SEMA5A: variants seen among roughly 807,000 people sequenced by gnomAD.
The protein encoded by SEMA5A is semaphorin-5A.
A neutral mutation model predicts 135.5 loss-of-function variants in SEMA5A; 55 were observed. The ratio of observed to expected loss-of-function variants is 0.41; its 90% CI spans 0.33 to 0.51. SEMA5A has a LOEUF of 0.51. Ranked by LOEUF, SEMA5A falls within the 20% of genes least tolerant of loss-of-function variation. The pLI is 0.37. For missense variants in SEMA5A, 1,290 were observed against 1,419.9 expected (o/e 0.91, Z 1.47); for synonymous variants, 580 against 546.5 (o/e 1.06, Z -0.85).
At chr5:9,250,945 T>G (rs1241300892) in intron 5 of SEMA5A, among the ~76,000 whole-genome samples, 4 of 152,216 alleles carry the variant, frequency 2.6e-5, no homozygotes, top group African/African-American at 9.6e-5. Context: ...ATGCTATGGT[T>G]TTAATGCTCC....
intron 2 of SEMA5A, among the ~76,000 whole-genome samples, chr5:9,428,798 T>C (rs1422539325): frequency 1.3e-5 from 2 of 152,188 alleles, no homozygotes; most frequent in East Asian, 3.9e-4. Flanking sequence ...ATCAGAAGGC[T>C]AGAGCAGTAC....
At chr5:9,392,764 T>G (rs992071779) in intron 2 of SEMA5A, among the ~76,000 whole-genome samples, 1 of 152,218 alleles carries the variant, frequency 6.6e-6, no homozygotes, top group Admixed American at 6.5e-5. Context: ...ACTGATTGAC[T>G]AGGCAGTGGA....
chr5:9,162,526 GTA>G (rs1484974014), intron 11 of SEMA5A, among the ~76,000 whole-genome samples: 3 of 49,300 alleles, frequency 6.1e-5, no homozygotes, highest in South Asian at 4.6e-4. Flanking sequence ...GTGTATATGT[GTA>G]TATATATGTA....
chr5:9,423,772 G>A (rs1757552675), intron 2 of SEMA5A, among the ~76,000 whole-genome samples: 1 of 152,184 alleles, frequency 6.6e-6, no homozygotes. Context: ...TCTCTGGCCT[G>A]CATCACTAAC....
At position 9,038,162 on chromosome 5, in the gene SEMA5A, T is replaced by C. The variant is rs995183265; in HGVS notation, c.*4735A>G. ...TGGGCTAGGCAAGGCCAAGGCCATC[T>C]GTAAACTCCAGTTTGTACCATATCA... On this transcript the variant is annotated 3_prime_UTR_variant, in exon 23 of 23. Coordinates refer to ENST00000382496, the MANE Select transcript of SEMA5A (RefSeq NM_003966.3). The C allele has an allele frequency of 3.3e-5, 5 of 152,244 alleles. No homozygotes were observed. Among genetic ancestry groups the C allele is most frequent in the African/African-American group, 9.6e-5 (4 of 41,460 alleles). The allele number at this position is 152,244 out of a possible 1,614,324, so 9.4% of individuals were successfully genotyped here.
At chr5:9,122,550 C>A in intron 14 of SEMA5A, 106 bp downstream of exon 14, 1 of 1,171,104 alleles carries the variant, frequency 8.5e-7, no homozygotes, top group Non-Finnish European at 1.1e-6. Context: ...GGTGTTTCAC[C>A]ACAGTTCTCT....
chr5:9,402,456 A>C (rs540645932), intron 2 of SEMA5A, among the ~76,000 whole-genome samples: 2 of 152,306 alleles, frequency 1.3e-5, no homozygotes, highest in South Asian at 4.1e-4. Context: ...AAGAGTTACT[A>C]ATCTTCGGTA....
chr5:9,182,159 CCAA>C (rs1456111797), intron 11 of SEMA5A, among the ~76,000 whole-genome samples: 3 of 141,014 alleles, frequency 2.1e-5, no homozygotes, highest in East Asian at 2.2e-4. Flanking sequence ...GCCCCCCACC[CCAA>C]AAAAAAATAC....
intron 16 of SEMA5A, among the ~76,000 whole-genome samples, chr5:9,074,718 C>A (rs1044338560): frequency 6.6e-6 from 1 of 152,106 alleles, no homozygotes; most frequent in Non-Finnish European, 1.5e-5. Context: ...GATGGCAAAA[C>A]AAGCGTATGT....
At chr5:9,095,689 C>T (rs1208831330) in intron 16 of SEMA5A, among the ~76,000 whole-genome samples, 3 of 152,208 alleles carry the variant, frequency 2.0e-5, no homozygotes, top group South Asian at 2.1e-4. Context: ...CCATTGGAGG[C>T]ACTCCGATGA....
chr5:9,290,706 A>C (rs1249358181), intron 5 of SEMA5A, among the ~76,000 whole-genome samples: 1 of 152,220 alleles, frequency 6.6e-6, no homozygotes, highest in Non-Finnish European at 1.5e-5. Context: ...GTGTATATAC[A>C]TACACATCCA....
At chr5:9,045,508 C>T (rs1171703457) in intron 21 of SEMA5A, among the ~76,000 whole-genome samples, 1 of 152,134 alleles carries the variant, frequency 6.6e-6, no homozygotes, top group Non-Finnish European at 1.5e-5. Flanking sequence ...TAAATCCTTT[C>T]CTAGAGGTAA....
intron 13 of SEMA5A, among the ~76,000 whole-genome samples, chr5:9,135,990 G>C (rs1377361677): frequency 6.6e-6 from 1 of 152,178 alleles, no homozygotes; most frequent in Non-Finnish European, 1.5e-5. Flanking sequence ...AGTCCTCTAT[G>C]GGAACGCACA....
At chr5:9,242,366 CA>C (rs1234901703) in intron 5 of SEMA5A, among the ~76,000 whole-genome samples, 1 of 152,150 alleles carries the variant, frequency 6.6e-6, no homozygotes, top group Non-Finnish European at 1.5e-5. Context: ...ACATTTCAGT[CA>C]ATTTGGAAGG....
rs200194934 is a variant in SEMA5A, at chr5:9,545,387, GC to G, written c.-175+196del. Among the ~76,000 whole-genome samples the G allele has an allele frequency of 0.011, 1,652 of 152,102 alleles. 13 individuals carry two copies. The highest frequency in any genetic ancestry group is 0.015 in the Non-Finnish European group (1,051 of 67,978). On this transcript the variant is annotated intron_variant, in intron 1 of 22. Coordinates refer to ENST00000382496, the MANE Select transcript of SEMA5A (RefSeq NM_003966.3). This position sits in a 1 kb window ranked among gnomAD's most constrained non-coding sequence, Gnocchi z 4.5. ...CCCGTGCACTAGCTCAACTGTGGGC[GC>G]CCCCGGACTGACGGTCGTCCTAATC...
At chr5:9,346,465 A>G (rs534585241) in intron 3 of SEMA5A, among the ~76,000 whole-genome samples, 1 of 152,304 alleles carries the variant, frequency 6.6e-6, no homozygotes, top group East Asian at 1.9e-4. Flanking sequence ...CATTTAAGCT[A>G]TCTGCAGGCA....
chr5:9,428,135 T>C (rs951683576), intron 2 of SEMA5A, among the ~76,000 whole-genome samples: 1 of 124,314 alleles, frequency 8.0e-6, no homozygotes. Context: ...TATCTATCTA[T>C]CTATCTATCT....
chr5:9,047,152 T>C (rs1475847704), intron 21 of SEMA5A, among the ~76,000 whole-genome samples: 1 of 152,234 alleles, frequency 6.6e-6, no homozygotes, highest in Non-Finnish European at 1.5e-5. Context: ...ACTTCTTCTC[T>C]CTCTGACAGA....
At chr5:9,061,010 T>C (rs939987609) in intron 18 of SEMA5A, among the ~76,000 whole-genome samples, 18 of 151,858 alleles carry the variant, frequency 1.2e-4, no homozygotes, top group African/African-American at 4.4e-4. Context: ...AACTCGTTTC[T>C]GTCCCTCGAG....
Sources: gnomAD v4.1 joint callset for allele counts (sites outside exome capture counted in the v4.1 genomes callset) on GRCh38, gnomAD v4.1.1 for gene constraint, Gnocchi (gnomAD v3.1) non-coding constraint, MANE v1.5 for transcripts, NCBI Gene and HGNC (gene_info 2026-07-23, HGNC 2026-07-21) for gene names.